PAF1: variants seen among roughly 807,000 people sequenced by gnomAD.
PAF1 encodes the protein RNA polymerase II-associated factor 1 homolog.
In PAF1, 31 loss-of-function variants were observed where a neutral mutation model predicts 68.4. The ratio of observed to expected loss-of-function variants is 0.45; its 90% CI spans 0.34 to 0.61. The LOEUF (loss-of-function observed/expected upper bound fraction) is 0.61. Among genes scored for constraint, PAF1 ranks in the 20% least tolerant of loss-of-function variants. PAF1 has a pLI of 0.01. For missense variants in PAF1, 435 were observed against 692.9 expected (o/e 0.63, Z 4.18); for synonymous variants, 256 against 240.5 (o/e 1.06, Z -0.60).
chr19:39,389,950 C>T lies in PAF1; in HGVS notation c.170+119G>A, dbSNP rs933716730. 3.6e-5 allele frequency: 38 copies of T among 1,043,304 alleles called. No individual in the cohort carries two copies. Among genetic ancestry groups the T allele is most frequent in the South Asian group, 1.6e-4 (12 of 73,384 alleles). 64.6% of individuals were successfully genotyped at this position (1,043,304 alleles called of 1,614,324 possible). The stretch of plus-strand genomic sequence containing the variant: ...TGCTCCATTAACAATTGAGCAGCTA[C>T]TACTATGTGCTAGGGTAGGTACTGT... On this transcript the variant is annotated intron_variant, in intron 3 of 13. Coordinates refer to ENST00000221265, the MANE Select transcript of PAF1 (RefSeq NM_019088.4). The surrounding 1 kb of genome is among the most constrained non-coding windows in gnomAD (Gnocchi z 5.3).
At position 39,386,266 on chromosome 19, in the gene PAF1, C is replaced by T. The variant is rs201740690; in HGVS notation, c.1321G>A (p.Glu441Lys). The T allele has an allele frequency of 5.6e-6, 9 of 1,614,190 alleles. No individual in the cohort carries two copies. The highest frequency in any genetic ancestry group is 3.3e-5 in the Admixed American group (2 of 60,014). The change falls in exon 14 of 14, where the codon GAG (glutamate) becomes AAG (lysine). Residue 441 changes from glutamate (E) to lysine (K), a missense_variant. This residue lies in a region of PAF1 where 78 missense variants were observed against 80.6 expected (regional missense o/e 0.97). Transcript: ENST00000221265. This position sits in a 1 kb window ranked among gnomAD's most constrained non-coding sequence, Gnocchi z 6.1. ...TCACGGGCAGCCCGGGCCTCATCCT[C>T]GCTGCTCTCGTCCTCACCACTGCCA... The part of the protein sequence containing the change: ...KSGSGEDESS[E>K]DEARAARDKE...
intron 1 of PAF1, 98 bp from the exon 2 acceptor site, chr19:39,390,387 C>T: frequency 8.7e-7 from 1 of 1,142,902 alleles, no homozygotes; most frequent in Non-Finnish European, 1.3e-6. Flanking sequence ...GGAGGGGTGA[C>T]AAATGCTGGT....
chr19:39,387,171 G>A (rs2078270853), intron 11 of PAF1: 1 of 428,960 alleles, frequency 2.3e-6, no homozygotes, highest in African/African-American at 2.0e-5. Flanking sequence ...AGGCTGTAAT[G>A]GTGTAGCCTA....
Position 39,389,233 on chromosome 19 carries a change from G to A in PAF1, c.462-35C>T. On this transcript the variant is annotated intron_variant, in intron 6 of 13. Coordinates refer to ENST00000221265, the MANE Select transcript of PAF1 (RefSeq NM_019088.4). The surrounding 1 kb of genome is among the most constrained non-coding windows in gnomAD (Gnocchi z 5.3). ...AAGAAAAAGGTCCTTAGGGGCCACT[G>A]GACACACCTAATATCTCCACCTTCC... 1 of 1,607,612 alleles carries A rather than the reference G, an allele frequency of 6.2e-7. No homozygotes were observed. The highest frequency in any genetic ancestry group is 8.5e-7 in the Non-Finnish European group (1 of 1,174,072).
rs973788378 is a variant in PAF1, at chr19:39,390,760, C to G, written c.47+58G>C. 3 of 1,523,808 alleles carry G rather than the reference C, an allele frequency of 2.0e-6. No homozygotes were observed. The Admixed American group carries it at 5.9e-5, about 30-fold the overall frequency. The allele number at this position is 1,523,808 out of a possible 1,614,324, so 94.4% of individuals were successfully genotyped here. A position where few individuals can be genotyped will look rare whatever the true frequency, so the allele number is the denominator to read the frequency against. ...AGACCTGGGGGCTGGTGACGTTGTT[C>G]AGCAGAAACCCTCTCCCGATCCCCC... On this transcript the variant is annotated intron_variant, in intron 1 of 13. Transcript: ENST00000221265.
chr19:39,390,373 G>A (rs1195908485), intron 1 of PAF1, 84 bp from the exon 2 acceptor site: 2 of 1,235,656 alleles, frequency 1.6e-6, no homozygotes, highest in East Asian at 2.5e-5. Context: ...CCTTTCAAAA[G>A]GTAGGAGGGG....
intron 1 of PAF1, 140 bp from the exon 2 acceptor site, chr19:39,390,429 A>C: frequency 2.6e-6 from 2 of 762,656 alleles, no homozygotes; most frequent in Non-Finnish European, 2.2e-6. Context: ...GAGTGTCCAA[A>C]TGCTTTAATG....
intron 1 of PAF1, 127 bp from the exon 2 acceptor site, chr19:39,390,416 G>T: frequency 2.3e-6 from 2 of 853,060 alleles, no homozygotes; most frequent in Non-Finnish European, 3.9e-6. Flanking sequence ...GTGGTGGTGT[G>T]GGGAGTGTCC....
At chr19:39,387,781 C>G (rs2078284902) in intron 11 of PAF1, among the ~76,000 whole-genome samples, 1 of 152,214 alleles carries the variant, frequency 6.6e-6, no homozygotes, top group Non-Finnish European at 1.5e-5. Context: ...CACATGAAGT[C>G]TGTTACTAAT....
At position 39,388,595 on chromosome 19, in the gene PAF1, G is replaced by A. The variant is rs1472932155; in HGVS notation, c.822C>T (p.Asp274=). The A allele has an allele frequency of 1.4e-5, 23 of 1,614,010 alleles. No individual in the cohort carries two copies. Among genetic ancestry groups the A allele is most frequent in the Non-Finnish European group, 1.9e-5 (22 of 1,179,998 alleles). The change falls in exon 10 of 14, where the codon GAC becomes GAT. Residue 274 remains aspartate (D), a synonymous_variant. Coordinates refer to ENST00000221265, the MANE Select transcript of PAF1 (RefSeq NM_019088.4). Reference sequence around the variant, plus strand: ...GTGCATAGTCCATCTCCTCCTCCTGGTCCCGCTTTCGTTTCTTCAACGTCT... The same window carrying A: ...GTGCATAGTCCATCTCCTCCTCCTGATCCCGCTTTCGTTTCTTCAACGTCT... ...VEETLKKRKR[D]QEEEMDYAPD...
chr19:39,387,027 G>T, intron 11 of PAF1: 1 of 598,134 alleles, frequency 1.7e-6, no homozygotes, highest in Non-Finnish European at 3.0e-6. Flanking sequence ...TACACTGTGT[G>T]TGTGTGTTAT....
Position 39,391,054 on chromosome 19 carries a change from A to T in PAF1, c.-190T>A. On this transcript the variant is annotated 5_prime_UTR_variant, in exon 1 of 14. Coordinates refer to ENST00000221265, the MANE Select transcript of PAF1 (RefSeq NM_019088.4). ...GCGAGACTCAGGTGAACGCGCAGGC[A>T]GCACCGGGGACGGACTCGAAGCTCC... is the stretch of plus-strand genomic sequence containing the variant. 1 of 639,304 alleles carries T rather than the reference A, an allele frequency of 1.6e-6. No individual in the cohort carries two copies. The highest frequency in any genetic ancestry group is 2.7e-6 in the Non-Finnish European group (1 of 373,652). The allele number at this position is 639,304 out of a possible 1,614,324, so 39.6% of individuals were successfully genotyped here.
Position 39,390,853 on chromosome 19 carries a change from G to C in PAF1, c.12C>G (p.Thr4=). The C allele has an allele frequency of 6.3e-7, 1 of 1,586,252 alleles. No individual in the cohort carries two copies. The highest frequency in any genetic ancestry group is 2.3e-5 in the East Asian group (1 of 43,568). The change falls in exon 1 of 14, where the codon ACC becomes ACG. Residue 4 remains threonine (T), a synonymous_variant. Transcript: ENST00000221265. ...CCTCCCGCTGGGCCTGGGTCTGGATGGTGGGCGCCATAGCGACGAGGCGAC... is the reference window on the plus strand; with the variant it reads ...CCTCCCGCTGGGCCTGGGTCTGGATCGTGGGCGCCATAGCGACGAGGCGAC... MAP[T]IQTQAQREDG...
In PAF1 at chr19:39,388,443, C is replaced by A; in HGVS notation, c.882G>T (p.Glu294Asp). 6.2e-7 allele frequency: 1 copy of A among 1,614,180 alleles called. No individual in the cohort carries two copies. The highest frequency in any genetic ancestry group is 1.1e-5 in the South Asian group (1 of 91,088). The change falls in exon 11 of 14, where the codon GAG becomes GAT. Residue 294 changes from glutamate to aspartate, a missense_variant. Transcript: ENST00000221265. ...CTTTGTTCTTCACGTTCCAGTTGTA[C>A]TCCCGAGCAATTTTGTAGTCATACC... ...DDVYDYKIAR[E>D]YNWNVKNKAS...
chr19:39,390,788 C>A (rs1289027391), intron 1 of PAF1, 30 bp downstream of exon 1: 1 of 1,564,738 alleles, frequency 6.4e-7, no homozygotes, highest in Non-Finnish European at 8.7e-7. Flanking sequence ...GATCCCCCGC[C>A]TTGCTGCAAC....
chr19:39,389,896 C>T lies in PAF1; in HGVS notation c.171-135G>A. On this transcript the variant is annotated intron_variant, in intron 3 of 13. Coordinates refer to ENST00000221265, the MANE Select transcript of PAF1 (RefSeq NM_019088.4). This position sits in a 1 kb window ranked among gnomAD's most constrained non-coding sequence, Gnocchi z 5.3. ...CCATGGCAGAGTCTGAAAGCTGGCT[C>T]CCCAGTGGGAAGGGACTTGGACACT... 5 of 1,278,890 alleles carry T rather than the reference C, an allele frequency of 3.9e-6. No individual in the cohort carries two copies. Among genetic ancestry groups the T allele is most frequent in the Non-Finnish European group, 5.6e-6 (5 of 886,668 alleles). 79.2% of individuals were successfully genotyped at this position (1,278,890 alleles called of 1,614,324 possible).
chr19:39,390,725 C>A (rs2078361689), intron 1 of PAF1, 93 bp downstream of exon 1: 4 of 1,329,944 alleles, frequency 3.0e-6, no homozygotes, highest in Non-Finnish European at 4.2e-6. Context: ...CGCTTCATGA[C>A]GTCACGGGCA....
intron 1 of PAF1, 147 bp downstream of exon 1, chr19:39,390,671 C>A: frequency 1.2e-6 from 1 of 818,270 alleles, no homozygotes; most frequent in Non-Finnish European, 2.0e-6. Flanking sequence ...AGGAGGGGAA[C>A]ACCTGAATCT....
At chr19:39,387,800 A>C (rs1469928377) in intron 11 of PAF1, among the ~76,000 whole-genome samples, 3 of 152,230 alleles carry the variant, frequency 2.0e-5, no homozygotes, top group Admixed American at 6.5e-5. Context: ...ATACTGGGAA[A>C]CTTGGCCCTC....
Sources: gnomAD v4.1 joint callset for allele counts (sites outside exome capture counted in the v4.1 genomes callset) on GRCh38, gnomAD v4.1.1 for gene constraint, gnomAD v4.1.1 regional missense constraint, Gnocchi (gnomAD v3.1) non-coding constraint, MANE v1.5 for transcripts, NCBI Gene and HGNC (gene_info 2026-07-23, HGNC 2026-07-21) for gene names.